SDCCAG8: variants seen among roughly 807,000 people sequenced by gnomAD.
The protein encoded by SDCCAG8 is SHH signaling and ciliogenesis regulator SDCCAG8, also known as serologically defined colon cancer antigen 8.
In SDCCAG8, 74 loss-of-function variants were observed where a neutral mutation model predicts 101.8. That is an observed-to-expected ratio of 0.73 (90% CI 0.60 to 0.88). SDCCAG8 has a LOEUF of 0.88. SDCCAG8 is among the 40% of genes least tolerant of loss of function. The probability of loss-of-function intolerance (pLI) is 0.00; values close to 1 mark genes in which losing one functional copy is unlikely to be tolerated. For missense variants in SDCCAG8, 787 were observed against 822.6 expected, an observed-to-expected ratio of 0.96 and a Z score of 0.53; for synonymous variants, 281 against 292.9, an observed-to-expected ratio of 0.96 and a Z score of 0.41.
intron 5 of SDCCAG8, among the ~76,000 whole-genome samples, chr1:243,292,416 G>A (rs937657876): frequency 1.4e-4 from 22 of 152,170 alleles, no homozygotes; most frequent in African/African-American, 4.1e-4. Context: ...ATATTTTAAC[G>A]AAAGATGCTC....
At chr1:243,477,029 C>G (rs1363171714) in intron 16 of SDCCAG8, among the ~76,000 whole-genome samples, 2 of 145,498 alleles carry the variant, frequency 1.4e-5, no homozygotes, top group African/African-American at 5.5e-5. Context: ...CACACACACA[C>G]ACACAGAGAG....
chr1:243,438,853 C>G (rs1009565625), intron 16 of SDCCAG8, among the ~76,000 whole-genome samples: 3 of 152,142 alleles, frequency 2.0e-5, no homozygotes, highest in Non-Finnish European at 4.4e-5. Context: ...GACATTTTCA[C>G]CAGTGATTTT....
chr1:243,499,879 C>A lies in SDCCAG8; in HGVS notation c.*94C>A. Reference sequence around the variant, plus strand: ...TATGCCACAACGCACCACGACCTTCCCAGGGTGACACCGCCTCAGCCTGCA... The same window carrying A: ...TATGCCACAACGCACCACGACCTTCACAGGGTGACACCGCCTCAGCCTGCA... On this transcript the variant is annotated 3_prime_UTR_variant, in exon 18 of 18. Coordinates refer to ENST00000366541, the MANE Select transcript of SDCCAG8 (RefSeq NM_006642.5). 1 of 1,231,826 alleles carries A rather than the reference C, an allele frequency of 8.1e-7. No homozygotes were observed. 76.3% of individuals were successfully genotyped at this position (1,231,826 alleles called of 1,614,324 possible).
At chr1:243,311,002 G>T (rs2072666699) in intron 8 of SDCCAG8, among the ~76,000 whole-genome samples, 2 of 152,196 alleles carry the variant, frequency 1.3e-5, no homozygotes. Context: ...TCATAAATTG[G>T]TGGAAATACT....
At chr1:243,265,973 C>T (rs1450854921) in intron 1 of SDCCAG8, among the ~76,000 whole-genome samples, 1 of 151,994 alleles carries the variant, frequency 6.6e-6, no homozygotes, top group Non-Finnish European at 1.5e-5. Context: ...TTATCCCTTG[C>T]CTTAGAGGTG....
In SDCCAG8 at chr1:243,354,501, C is replaced by G. The variant is rs182722221; in HGVS notation, c.1473+10170C>G. 1.2e-4 allele frequency among the ~76,000 whole-genome samples: 18 copies of G among 152,200 alleles called. No individual in the cohort carries two copies. The East Asian group carries it at 3.3e-3, about 28-fold the overall frequency. On this transcript the variant is annotated intron_variant, in intron 12 of 17. Coordinates refer to ENST00000366541, the MANE Select transcript of SDCCAG8 (RefSeq NM_006642.5). ...TCTAATTTGCAACAAGGATTAAAGC[C>G]CCACTCTGAATTAAAATTTCTACTG...
chr1:243,317,844 G>A (rs1199660745), intron 9 of SDCCAG8, among the ~76,000 whole-genome samples: 1 of 152,202 alleles, frequency 6.6e-6, no homozygotes, highest in Non-Finnish European at 1.5e-5. Context: ...ATGGCCACGT[G>A]TAGCAAATAT....
chr1:243,380,592 T>C (rs2077880309), intron 13 of SDCCAG8, among the ~76,000 whole-genome samples: 1 of 152,192 alleles, frequency 6.6e-6, no homozygotes, highest in Non-Finnish European at 1.5e-5. Context: ...AAGTAGAGCA[T>C]ATTAAGATGC....
At chr1:243,304,426 T>C (rs1220157111) in intron 6 of SDCCAG8, among the ~76,000 whole-genome samples, 1 of 152,202 alleles carries the variant, frequency 6.6e-6, no homozygotes, top group African/African-American at 2.4e-5. Flanking sequence ...ATGGACCTTA[T>C]GGGTTATAAC....
intron 9 of SDCCAG8, among the ~76,000 whole-genome samples, chr1:243,317,612 C>T (rs908665632): frequency 3.9e-5 from 6 of 152,162 alleles, no homozygotes; most frequent in Admixed American, 6.5e-5. Flanking sequence ...TGAGCCACTG[C>T]GCCCGGTCTT....
intron 16 of SDCCAG8, among the ~76,000 whole-genome samples, chr1:243,439,068 G>A (rs948799656): frequency 6.6e-6 from 1 of 152,168 alleles, no homozygotes; most frequent in Non-Finnish European, 1.5e-5. Flanking sequence ...TGAGAGTGAG[G>A]GAATGGAAGG....
At chr1:243,431,066 G>A (rs920003675) in intron 16 of SDCCAG8, among the ~76,000 whole-genome samples, 3 of 152,010 alleles carry the variant, frequency 2.0e-5, no homozygotes, top group African/African-American at 4.8e-5. Flanking sequence ...GTGTGGTGGC[G>A]AGCGCCTGTA....
chr1:243,387,012 T>C (rs2078347243), intron 13 of SDCCAG8, among the ~76,000 whole-genome samples: 1 of 152,230 alleles, frequency 6.6e-6, no homozygotes, highest in African/African-American at 2.4e-5. Flanking sequence ...ATTTTTCAAG[T>C]ATTTATTTTT....
chr1:243,262,864 G>T (rs2067297606), intron 1 of SDCCAG8, among the ~76,000 whole-genome samples: 1 of 152,214 alleles, frequency 6.6e-6, no homozygotes, highest in South Asian at 2.1e-4. Flanking sequence ...GATGATGGCG[G>T]AACTTCATCA....
chr1:243,276,046 T>C (rs558672872), intron 4 of SDCCAG8, among the ~76,000 whole-genome samples: 1 of 152,110 alleles, frequency 6.6e-6, no homozygotes, highest in South Asian at 2.1e-4. Flanking sequence ...GTATTTTTTG[T>C]AGAGACGGGG....
At chr1:243,371,432 T>A (rs1051172703) in intron 12 of SDCCAG8, among the ~76,000 whole-genome samples, 1 of 152,156 alleles carries the variant, frequency 6.6e-6, no homozygotes, top group African/African-American at 2.4e-5. Flanking sequence ...AGGATACTTA[T>A]TTTTATATGG....
intron 7 of SDCCAG8, chr1:243,306,638 G>A (rs2072160846): frequency 1.3e-5 from 2 of 151,976 alleles, no homozygotes; most frequent in Admixed American, 1.3e-4. Flanking sequence ...ATTAGTAATG[G>A]GGACCCTTTG....
chr1:243,337,143 C>G (rs1200649887), intron 10 of SDCCAG8, among the ~76,000 whole-genome samples: 1 of 152,106 alleles, frequency 6.6e-6, no homozygotes, highest in East Asian at 1.9e-4. Flanking sequence ...AGTTTGATAT[C>G]TTACATTTAA....
At chr1:243,294,501 A>AAGAGTGAGAGAGAGAGAGAGAGAGAGAG (rs2070627731) in intron 6 of SDCCAG8, among the ~76,000 whole-genome samples, 32 of 26,698 alleles carry the variant, frequency 1.2e-3, no homozygotes, top group African/African-American at 4.0e-3. Flanking sequence ...GAGAGAGAGA[A>AAGAGTGAGAGAGAGAGAGAGAGAGAGAG]AGAGCGAGAG....
Sources: allele counts gnomAD v4.1 joint callset (sites outside exome capture counted in the v4.1 genomes callset), GRCh38; gene constraint gnomAD v4.1.1; transcripts MANE v1.5; gene names NCBI Gene and HGNC (gene_info 2026-07-23, HGNC 2026-07-21).